The following NELL2 variants were observed in gnomAD, a reference collection of about 807,000 sequenced individuals.
The protein encoded by NELL2 is protein kinase C-binding protein NELL2.
Under a neutral mutation model 109.6 loss-of-function variants are expected in NELL2, and 41 were observed. The observed-to-expected ratio is 0.37, with a 90% CI of 0.29 to 0.49. NELL2 has a LOEUF of 0.49. NELL2 is among the 20% of genes least tolerant of loss of function. The pLI, the probability that NELL2 is intolerant of heterozygous loss-of-function variation, is 0.98. For synonymous variants in NELL2, 355 were observed against 344.7 expected, an observed-to-expected ratio of 1.03 and a Z score of -0.33; for missense variants, 900 against 1,008.3, an observed-to-expected ratio of 0.89 and a Z score of 1.45.
chr12:44,549,283 G>A (rs985416937), intron 15 of NELL2, among the ~76,000 whole-genome samples: 2 of 152,104 alleles, frequency 1.3e-5, no homozygotes, highest in Non-Finnish European at 2.9e-5. Context: ...TTCAGAAAGT[G>A]GAATATGAGT....
intron 15 of NELL2, among the ~76,000 whole-genome samples, chr12:44,547,982 C>T (rs998347594): frequency 5.3e-5 from 8 of 152,260 alleles, no homozygotes; most frequent in East Asian, 1.9e-4. Flanking sequence ...TCACAATCTG[C>T]GAAATGCCTG....
At chr12:44,534,905 A>G (rs1412371029) in intron 15 of NELL2, among the ~76,000 whole-genome samples, 2 of 152,000 alleles carry the variant, frequency 1.3e-5, no homozygotes, top group Admixed American at 1.3e-4. Context: ...CATAGTAATA[A>G]GGTTATCTCA....
rs145520915 is a variant in NELL2 at position 44,859,205 on chromosome 12, T to C, written c.184+16020A>G. On this transcript the variant is annotated intron_variant, in intron 2 of 19. Coordinates refer to ENST00000429094, the MANE Select transcript of NELL2 (RefSeq NM_001145108.2). ...TATATTGTGATCCCCATCCTTAAAA[T>C]AGAAGCAGTGCAATAAATATTTGTT... Among the ~76,000 whole-genome samples, 620 of 152,322 alleles carry C rather than the reference T, an allele frequency of 4.1e-3. 2 individuals carry two copies. Among genetic ancestry groups the C allele is most frequent in the Non-Finnish European group, 7.2e-3 (488 of 68,016 alleles).
chr12:44,711,472 G>A, intron 10 of NELL2, 78 bp from the exon 11 acceptor site: 1 of 1,254,900 alleles, frequency 8.0e-7, no homozygotes, highest in Non-Finnish European at 1.2e-6. Context: ...CAGCATCTGA[G>A]AAGACTCTTT....
chr12:44,611,015 A>G (rs1945602001), intron 13 of NELL2, 45 bp from the exon 14 acceptor site: 12 of 1,595,052 alleles, frequency 7.5e-6, no homozygotes, highest in Non-Finnish European at 1.0e-5. Context: ...TATATTTCCA[A>G]AGCTATATTT....
At chr12:44,684,803 TC>T (rs1298945073) in intron 12 of NELL2, among the ~76,000 whole-genome samples, 1 of 152,224 alleles carries the variant, frequency 6.6e-6, no homozygotes, top group African/African-American at 2.4e-5. Flanking sequence ...TAATTTCTGT[TC>T]TTTTACATTT....
chr12:44,578,125 T>C (rs1465819575), intron 15 of NELL2, among the ~76,000 whole-genome samples: 8 of 152,170 alleles, frequency 5.3e-5, no homozygotes, highest in Non-Finnish European at 8.8e-5. Context: ...TTGTTTTAAC[T>C]CAATTTCTCT....
chr12:44,562,889 T>A (rs1374648121), intron 15 of NELL2, among the ~76,000 whole-genome samples: 1 of 152,156 alleles, frequency 6.6e-6, no homozygotes, highest in East Asian at 1.9e-4. Flanking sequence ...GCAGCACTGT[T>A]CACAATAGCA....
At chr12:44,535,169 C>G (rs1221134356) in intron 15 of NELL2, among the ~76,000 whole-genome samples, 1 of 151,884 alleles carries the variant, frequency 6.6e-6, no homozygotes. Flanking sequence ...AAACTTTGGG[C>G]ATTATCTTAT....
At chr12:44,612,678 G>A (rs549766592) in intron 13 of NELL2, among the ~76,000 whole-genome samples, 1 of 152,046 alleles carries the variant, frequency 6.6e-6, no homozygotes, top group East Asian at 1.9e-4. Flanking sequence ...TCTACACTTT[G>A]AATGAGGTTT....
chr12:44,783,779 G>A (rs930190559), intron 3 of NELL2, among the ~76,000 whole-genome samples: 6 of 151,836 alleles, frequency 4.0e-5, no homozygotes, highest in East Asian at 1.9e-4. Context: ...CTACACAATC[G>A]CTTCCAGAAA....
At chr12:44,733,804 T>C (rs1158780126) in intron 9 of NELL2, among the ~76,000 whole-genome samples, 1 of 151,942 alleles carries the variant, frequency 6.6e-6, no homozygotes, top group Non-Finnish European at 1.5e-5. Flanking sequence ...GAATGAATTA[T>C]AGTATGGAAT....
intron 2 of NELL2, among the ~76,000 whole-genome samples, chr12:44,833,527 C>A (rs1038668561): frequency 6.6e-6 from 1 of 152,194 alleles, no homozygotes; most frequent in African/African-American, 2.4e-5. Context: ...TACTATACCT[C>A]TCTTCTACCC....
At chr12:44,853,970 C>G (rs925831285) in intron 2 of NELL2, among the ~76,000 whole-genome samples, 1 of 152,138 alleles carries the variant, frequency 6.6e-6, no homozygotes, top group Admixed American at 6.6e-5. Flanking sequence ...CCTTTCTTAA[C>G]AATCCATCAG....
At chr12:44,698,149 A>T (rs560652255) in intron 12 of NELL2, among the ~76,000 whole-genome samples, 1 of 152,226 alleles carries the variant, frequency 6.6e-6, no homozygotes, top group Non-Finnish European at 1.5e-5. Context: ...ACCCTCCTCC[A>T]GCATGATTTT....
chr12:44,667,016 C>T lies in NELL2; in HGVS notation c.1319-1407G>A, dbSNP rs185622663. ...ATCCCTCAAGAATCTATTTAAATGTCCCTCCTACAAAAACTTCCCTAATGA... is the reference window on the plus strand; with the variant it reads ...ATCCCTCAAGAATCTATTTAAATGTTCCTCCTACAAAAACTTCCCTAATGA... On this transcript the variant is annotated intron_variant, in intron 12 of 19. Coordinates refer to ENST00000429094, the MANE Select transcript of NELL2 (RefSeq NM_001145108.2). Among the ~76,000 whole-genome samples, 17 of 152,278 alleles carry T rather than the reference C, an allele frequency of 1.1e-4. No individual in the cohort carries two copies. The East Asian group carries it at 2.7e-3, about 24-fold the overall frequency.
chr12:44,687,249 G>A lies in NELL2; in HGVS notation c.1318+16477C>T, dbSNP rs990763286. ...TGCGCTTCCCGAGTGAGGCAATGCC[G>A]CGCCCTGCTTTGGCTCGCCCATGGT... On this transcript the variant is annotated intron_variant, in intron 12 of 19. Coordinates refer to ENST00000429094, the MANE Select transcript of NELL2 (RefSeq NM_001145108.2). Among the ~76,000 whole-genome samples the A allele has an allele frequency of 4.9e-4, 75 of 152,276 alleles. 1 individual carries two copies. The highest frequency in any genetic ancestry group is 6.2e-4 in the South Asian group (3 of 4,830).
chr12:44,720,662 A>T (rs2136453359), intron 9 of NELL2, among the ~76,000 whole-genome samples: 1 of 152,294 alleles, frequency 6.6e-6, no homozygotes, highest in Non-Finnish European at 1.5e-5. Flanking sequence ...TTTGTGAGTC[A>T]ATGCTATTTA....
chr12:44,536,477 T>C (rs958648961), intron 15 of NELL2, among the ~76,000 whole-genome samples: 1 of 152,020 alleles, frequency 6.6e-6, no homozygotes, highest in Non-Finnish European at 1.5e-5. Flanking sequence ...AGTCTGTAAC[T>C]GAGTCAGATA....
Sources: gnomAD v4.1 joint callset for allele counts (sites outside exome capture counted in the v4.1 genomes callset) on GRCh38, gnomAD v4.1.1 for gene constraint, MANE v1.5 for transcripts, NCBI Gene and HGNC (gene_info 2026-07-23, HGNC 2026-07-21) for gene names.